Variants in DUS2 observed in about 807,000 individuals in gnomAD.
The protein encoded by DUS2 is tRNA-dihydrouridine(20) synthase [NAD(P)+]-like.
DUS2 carries 52 observed loss-of-function variants against 71.3 expected under a neutral mutation model. The observed-to-expected ratio is 0.73, with a 90% CI of 0.58 to 0.92. The LOEUF (loss-of-function observed/expected upper bound fraction) is 0.92, where lower values mean the gene tolerates loss of function less well. Ranked by LOEUF, DUS2 falls within the 40% of genes least tolerant of loss-of-function variation. The pLI, the probability that DUS2 is intolerant of heterozygous loss-of-function variation, is 0.00. For missense variants in DUS2, 558 were observed against 622.6 expected, an observed-to-expected ratio of 0.90 and a Z score of 1.10; for synonymous variants, 204 against 227.8, an observed-to-expected ratio of 0.90 and a Z score of 0.94.
intron 10 of DUS2, 41 bp downstream of exon 10, chr16:68,066,677 A>T (rs371755202): frequency 6.3e-7 from 1 of 1,595,342 alleles, no homozygotes; most frequent in Admixed American, 1.7e-5. Flanking sequence ...GGAGGTCCTA[A>T]CCCATCTTAG....
In DUS2 at chr16:68,078,751, A is replaced by G. The variant is rs1301083799; in HGVS notation, c.1247A>G (p.Asp416Gly). The part of the protein sequence containing the change: ...AEQKYQSTLW[D>G]KSKKLAEQAA... ...CTTATTGCCCTCTGTCTGCTCAGGG[A>G]CAAGTCCAAGAAACTGGCGGAGCAG... The change falls in exon 17 of 17, where the codon GAC (aspartate) becomes GGC (glycine). Residue 416 changes from aspartate (D) to glycine (G), a missense_variant and splice_region_variant. By Grantham distance (94) the Asp-to-Gly change is moderately conservative. Coordinates refer to ENST00000565263, the MANE Select transcript of DUS2 (RefSeq NM_017803.5). 1 of 1,605,842 alleles carries G rather than the reference A, an allele frequency of 6.2e-7. No homozygotes were observed.
chr16:68,059,194 C>T (rs1219654542), intron 7 of DUS2, among the ~76,000 whole-genome samples: 1 of 151,738 alleles, frequency 6.6e-6, no homozygotes. Context: ...CCCTGGGCCA[C>T]AGAGTGAGAC....
intron 3 of DUS2, among the ~76,000 whole-genome samples, chr16:68,046,168 A>G (rs2151417408): frequency 6.6e-6 from 1 of 152,274 alleles, no homozygotes; most frequent in East Asian, 1.9e-4. Flanking sequence ...ATAATACCCA[A>G]TAGGATCTTT....
chr16:68,068,529 G>A (rs892588086), intron 10 of DUS2, among the ~76,000 whole-genome samples: 10 of 151,270 alleles, frequency 6.6e-5, no homozygotes, highest in Non-Finnish European at 1.2e-4. Context: ...GCTTTTATGA[G>A]ATTGTGAATA....
chr16:68,038,791 G>A (rs368079002), intron 3 of DUS2, among the ~76,000 whole-genome samples: 7 of 151,330 alleles, frequency 4.6e-5, no homozygotes, highest in South Asian at 2.1e-4. Flanking sequence ...AGCTCATGCC[G>A]TAATACTAGT....
intron 7 of DUS2, among the ~76,000 whole-genome samples, chr16:68,056,849 T>C (rs965762610): frequency 8.3e-5 from 12 of 144,822 alleles, no homozygotes; most frequent in African/African-American, 7.6e-5. Flanking sequence ...TATTATATAA[T>C]GTTATATATT....
chr16:68,029,706 C>G (rs563402150), intron 2 of DUS2, among the ~76,000 whole-genome samples: 1 of 152,076 alleles, frequency 6.6e-6, no homozygotes, highest in Non-Finnish European at 1.5e-5. Context: ...CTTGGCCTCC[C>G]AAAGTGTTGG....
chr16:68,038,007 C>T lies in DUS2; in HGVS notation c.-17C>T, dbSNP rs374264321. 15 of 1,607,140 alleles carry T rather than the reference C, an allele frequency of 9.3e-6. No homozygotes were observed. Among genetic ancestry groups the T allele is most frequent in the African/African-American group, 8.1e-5 (6 of 74,332 alleles). ...TCTTGTTTCCTCTTTTTTTTTCAGG[C>T]TGTAACAGAGGAGGAAATGATTTTG... On this transcript the variant is annotated splice_region_variant and 5_prime_UTR_variant, in exon 3 of 17. Coordinates refer to ENST00000565263, the MANE Select transcript of DUS2 (RefSeq NM_017803.5).
In DUS2 at chr16:68,038,127, G is replaced by T; in HGVS notation, c.104G>T (p.Gly35Val). ...ATGAGGCTGCTGGCCCTGGATTATGGAGCGGACATTGTTTACTGTGAGGTA... is the reference window on the plus strand; with the variant it reads ...ATGAGGCTGCTGGCCCTGGATTATGTAGCGGACATTGTTTACTGTGAGGTA... ...LPMRLLALDYGADIVYCEELI... is the reference protein window; with the variant it reads ...LPMRLLALDYVADIVYCEELI... The change falls in exon 3 of 17, where the codon GGA (glycine) becomes GTA (valine). Residue 35 changes from glycine (G) to valine (V), a missense_variant. By Grantham distance (109) the Gly-to-Val change is moderately radical. Coordinates refer to ENST00000565263, the MANE Select transcript of DUS2 (RefSeq NM_017803.5). 1.9e-6 allele frequency: 3 copies of T among 1,613,970 alleles called. No individual in the cohort carries two copies. Among genetic ancestry groups the T allele is most frequent in the Non-Finnish European group, 2.5e-6 (3 of 1,179,948 alleles).
intron 7 of DUS2, among the ~76,000 whole-genome samples, chr16:68,059,170 G>A (rs2033903707): frequency 6.6e-6 from 1 of 152,014 alleles, no homozygotes; most frequent in Non-Finnish European, 1.5e-5. Flanking sequence ...CCAAGATCAC[G>A]CCACTGCAGT....
chr16:68,060,530 T>C (rs1884227364), intron 7 of DUS2, among the ~76,000 whole-genome samples: 1 of 152,132 alleles, frequency 6.6e-6, no homozygotes. Context: ...GCCAGGCTGG[T>C]CTCGAACTCC....
At chr16:68,045,014 A>C (rs966741331) in intron 3 of DUS2, among the ~76,000 whole-genome samples, 28 of 151,872 alleles carry the variant, frequency 1.8e-4, no homozygotes, top group Admixed American at 6.6e-4. Flanking sequence ...GCTGGTCTTG[A>C]ACTCCTGACC....
intron 14 of DUS2, among the ~76,000 whole-genome samples, chr16:68,075,774 G>C (rs1465215777): frequency 2.6e-5 from 4 of 152,156 alleles, no homozygotes; most frequent in Non-Finnish European, 5.9e-5. Context: ...CTTGTCTCCT[G>C]TTCCTGAAAG....
intron 3 of DUS2, among the ~76,000 whole-genome samples, chr16:68,040,198 A>C: frequency 6.6e-6 from 1 of 151,194 alleles, no homozygotes; most frequent in African/African-American, 2.4e-5. Flanking sequence ...GATTCTCCCA[A>C]CTCAGCCTCC....
At chr16:68,075,585 T>A in intron 14 of DUS2, 81 bp downstream of exon 14, 4 of 1,378,088 alleles carry the variant, frequency 2.9e-6, no homozygotes, top group Non-Finnish European at 3.9e-6. Context: ...GGCTGCTGTA[T>A]GTGCTTAATG....
chr16:68,061,157 C>G (rs770093622), intron 8 of DUS2, 44 bp downstream of exon 8: 4 of 1,592,296 alleles, frequency 2.5e-6, no homozygotes, highest in Non-Finnish European at 3.4e-6. Context: ...AAACACAGCT[C>G]CAAACTAGAA....
intron 3 of DUS2, among the ~76,000 whole-genome samples, chr16:68,047,274 T>C (rs1050227062): frequency 1.5e-4 from 23 of 151,272 alleles, no homozygotes; most frequent in African/African-American, 4.9e-4. Context: ...CAGGCTGGCC[T>C]TGAACTCCTG....
rs77823605 is a variant in DUS2 at position 68,054,504 on chromosome 16, A to T, written c.265-70A>T. The T allele has an allele frequency of 8.1e-3, 12,509 of 1,535,918 alleles. 286 individuals carry two copies. The highest frequency in any genetic ancestry group is 0.071 in the African/African-American group (5,186 of 73,400). On this transcript the variant is annotated intron_variant, in intron 5 of 16. Coordinates refer to ENST00000565263, the MANE Select transcript of DUS2 (RefSeq NM_017803.5). ...GTGTGTGTGTGTATGTGTGTGCTGC[A>T]TGGGTGTGTTTGTCAGTGCATGTGT...
chr16:68,068,879 C>T (rs2034046002), intron 10 of DUS2, among the ~76,000 whole-genome samples: 1 of 151,412 alleles, frequency 6.6e-6, no homozygotes, highest in African/African-American at 2.4e-5. Flanking sequence ...GGATTACAGG[C>T]GTGAGCCACC....
Sources: gnomAD v4.1 joint callset for allele counts (sites outside exome capture counted in the v4.1 genomes callset) on GRCh38, gnomAD v4.1.1 for gene constraint, MANE v1.5 for transcripts, NCBI Gene and HGNC (gene_info 2026-07-23, HGNC 2026-07-21) for gene names.